Variants in FAM227B observed in about 807,000 individuals in gnomAD.
The protein encoded by FAM227B is protein FAM227B.
A neutral mutation model predicts 73.8 loss-of-function variants in FAM227B; 88 were observed. The observed-to-expected ratio is 1.19, with a 90% CI of 1.00 to 1.42. The LOEUF (loss-of-function observed/expected upper bound fraction) is 1.42. Ranked by LOEUF, FAM227B falls within the 40% of genes most tolerant of loss-of-function variation. The pLI is 0.00. For missense variants in FAM227B, 632 were observed against 590.9 expected (o/e 1.07, Z -0.72); for synonymous variants, 210 against 190.5 (o/e 1.10, Z -0.84).
chr15:49,500,599 T>C (rs1023925204), intron 11 of FAM227B, among the ~76,000 whole-genome samples: 6 of 152,232 alleles, frequency 3.9e-5, no homozygotes, highest in African/African-American at 1.4e-4. Context: ...AAAAAGACCA[T>C]AACAAGTGTT....
chr15:49,494,305 C>T (rs2057405532), intron 11 of FAM227B, among the ~76,000 whole-genome samples: 1 of 148,034 alleles, frequency 6.8e-6, no homozygotes, highest in Admixed American at 6.7e-5. Flanking sequence ...AACATAGAGT[C>T]AGCAATAAAT....
At chr15:49,493,025 C>T (rs1228747094) in intron 11 of FAM227B, among the ~76,000 whole-genome samples, 1 of 151,778 alleles carries the variant, frequency 6.6e-6, no homozygotes, top group Non-Finnish European at 1.5e-5. Context: ...TGTCCTGAAT[C>T]TTCTTCTTGA....
chr15:49,358,039 C>G (rs758295592), intron 13 of FAM227B, among the ~76,000 whole-genome samples: 3,868 of 152,042 alleles, frequency 0.025, 164 homozygotes, highest in African/African-American at 0.089. Context: ...ATTCAACAAC[C>G]CTTCATGCTA....
At position 49,371,317 on chromosome 15, in the gene FAM227B, T is replaced by C. The variant is rs147388904; in HGVS notation, c.1095A>G (p.Ser365=). 62 of 1,590,768 alleles carry C rather than the reference T, an allele frequency of 3.9e-5. No homozygotes were observed. Among genetic ancestry groups the C allele is most frequent in the Non-Finnish European group, 4.9e-5 (57 of 1,162,200 alleles). Residue 365 remains serine, a synonymous_variant, in exon 12 of 16, where the codon TCA becomes TCG. Coordinates refer to ENST00000299338, the MANE Select transcript of FAM227B (RefSeq NM_152647.3). The part of the protein sequence containing the change: ...LPISKEESRL[S]RLATKSHYSS... The stretch of plus-strand genomic sequence containing the variant: ...TACTCCAAACCTTTGTTGCTAGTCT[T>C]GATAATCTTGATTCTTCCTTGGATA...
chr15:49,329,759 A>G (rs2038244584), intron 15 of FAM227B: 1 of 972,178 alleles, frequency 1.0e-6, no homozygotes, highest in African/African-American at 1.8e-5. Flanking sequence ...TTTTCCACAA[A>G]GGATTTGTGG....
chr15:49,328,849 A>G (rs2038014809), intron 15 of FAM227B, 174 bp from the exon 16 acceptor site: 1 of 1,362,934 alleles, frequency 7.3e-7, no homozygotes. Context: ...AAACCATGTA[A>G]TATATAAATA....
intron 9 of FAM227B, among the ~76,000 whole-genome samples, chr15:49,548,565 CCT>C (rs2072307481): frequency 6.6e-6 from 1 of 152,156 alleles, no homozygotes; most frequent in South Asian, 2.1e-4. Context: ...ATTCCCTCCT[CCT>C]CTCTTTTTTG....
At chr15:49,493,002 T>G (rs1237866448) in intron 11 of FAM227B, among the ~76,000 whole-genome samples, 1 of 151,832 alleles carries the variant, frequency 6.6e-6, no homozygotes, top group Admixed American at 6.6e-5. Flanking sequence ...TTACCATATT[T>G]TAGTGGTGAC....
chr15:49,435,789 A>G (rs1017991744), intron 11 of FAM227B, among the ~76,000 whole-genome samples: 1 of 151,584 alleles, frequency 6.6e-6, no homozygotes. Context: ...AGATATTCAA[A>G]TTAATATTAC....
chr15:49,413,050 T>C lies in FAM227B; in HGVS notation c.1013-41651A>G, dbSNP rs144588806. On this transcript the variant is annotated intron_variant, in intron 11 of 15. Transcript: ENST00000299338. ...ACATCACCATTTATCCAGTTACAAATATTGGACATCTGGAATTTAACCTTG... is the reference window on the plus strand; with the variant it reads ...ACATCACCATTTATCCAGTTACAAACATTGGACATCTGGAATTTAACCTTG... 3.0e-4 allele frequency among the ~76,000 whole-genome samples: 45 copies of C among 152,254 alleles called. No individual in the cohort carries two copies. The East Asian group carries it at 8.5e-3, about 29-fold the overall frequency.
chr15:49,498,545 T>TA (rs1246893166), intron 11 of FAM227B, among the ~76,000 whole-genome samples: 1 of 152,282 alleles, frequency 6.6e-6, no homozygotes, highest in Non-Finnish European at 1.5e-5. Context: ...TCCCACAGCT[T>TA]AGACCATCTC....
chr15:49,422,429 C>T, intron 11 of FAM227B: 1 of 675,092 alleles, frequency 1.5e-6, no homozygotes, highest in Non-Finnish European at 2.1e-6. Flanking sequence ...TTTATTGTTC[C>T]AATATTCTTA....
intron 13 of FAM227B, among the ~76,000 whole-genome samples, chr15:49,351,277 A>G (rs2042205860): frequency 1.3e-5 from 2 of 152,194 alleles, no homozygotes; most frequent in Non-Finnish European, 2.9e-5. Flanking sequence ...ACTACTAGCT[A>G]TGGAATTGTT....
chr15:49,403,271 C>T (rs2048297509), intron 11 of FAM227B, among the ~76,000 whole-genome samples: 3 of 152,154 alleles, frequency 2.0e-5, no homozygotes, highest in Admixed American at 1.3e-4. Flanking sequence ...CAGGATGATG[C>T]TGGCCTCACA....
Position 49,331,836 on chromosome 15 carries a change from C to G in FAM227B, c.1363G>C (p.Ala455Pro), listed in dbSNP as rs769064358. The G allele has an allele frequency of 6.2e-7, 1 of 1,609,262 alleles. No homozygotes were observed. The highest frequency in any genetic ancestry group is 8.5e-7 in the Non-Finnish European group (1 of 1,175,728). ...QKDFRILQAK[A>P]TKKPHEVKQD... The stretch of plus-strand genomic sequence containing the variant: ...TTCACTTCATGAGGTTTCTTGGTAG[C>G]CTTTGCTTGGAGTCTAATCATGGAA... Residue 455 changes from alanine to proline, a missense_variant, in exon 15 of 16, where the codon GCT becomes CCT. Transcript: ENST00000299338.
At chr15:49,334,943 G>C (rs1377054528) in intron 14 of FAM227B, among the ~76,000 whole-genome samples, 2 of 152,100 alleles carry the variant, frequency 1.3e-5, no homozygotes, top group African/African-American at 4.8e-5. Context: ...CTGACCACAA[G>C]CAATTATTTT....
intron 11 of FAM227B, among the ~76,000 whole-genome samples, chr15:49,427,335 G>A (rs1466761790): frequency 6.6e-6 from 1 of 151,986 alleles, no homozygotes; most frequent in Non-Finnish European, 1.5e-5. Flanking sequence ...ATGAAAGAAT[G>A]TTTCCTTCCT....
In FAM227B at chr15:49,615,221, T is replaced by C; in HGVS notation, c.-50A>G. ...AGAGAAATCAGCTGGGTCTTAGGCTTCAATGTGAGTTGGGCGACCAAACTG... is the reference window on the plus strand; with the variant it reads ...AGAGAAATCAGCTGGGTCTTAGGCTCCAATGTGAGTTGGGCGACCAAACTG... On this transcript the variant is annotated 5_prime_UTR_variant, in exon 2 of 16. Transcript: ENST00000299338. 6.4e-7 allele frequency: 1 copy of C among 1,566,142 alleles called. No individual in the cohort carries two copies.
At chr15:49,501,050 T>C (rs1489288113) in intron 11 of FAM227B, among the ~76,000 whole-genome samples, 2 of 152,184 alleles carry the variant, frequency 1.3e-5, no homozygotes, top group East Asian at 1.9e-4. Flanking sequence ...CATGAGCCAA[T>C]TAAACCTCTT....
Sources: allele counts gnomAD v4.1 joint callset (sites outside exome capture counted in the v4.1 genomes callset), GRCh38; gene constraint gnomAD v4.1.1; transcripts MANE v1.5; gene names NCBI Gene and HGNC (gene_info 2026-07-23, HGNC 2026-07-21).